Variants in ASPRV1 observed in about 807,000 individuals in gnomAD.
ASPRV1 encodes aspartic peptidase retroviral like 1.
Under a neutral mutation model 11.0 loss-of-function variants are expected in ASPRV1, and 7 were observed. The ratio of observed to expected loss-of-function variants is 0.64; its 90% CI spans 0.36 to 1.20. ASPRV1 has a LOEUF of 1.20. Among genes scored for constraint, ASPRV1 ranks in the 50% most tolerant of loss-of-function variants. The pLI, the probability that ASPRV1 is intolerant of heterozygous loss-of-function variation, is 0.02. For synonymous variants in ASPRV1, 136 were observed against 138.4 expected (o/e 0.98, Z 0.12); for missense variants, 299 against 320.0 (o/e 0.93, Z 0.50).
chr2:70,016,943 TA>T, the ASPRV1 span, among the ~76,000 whole-genome samples: 2 of 152,088 alleles, frequency 1.3e-5, no homozygotes, highest in East Asian at 3.9e-4. Flanking sequence ...TACAAATCAA[TA>T]AATATGATAC....
the ASPRV1 span, among the ~76,000 whole-genome samples, chr2:70,037,806 T>C: frequency 2.6e-5 from 4 of 152,178 alleles, no homozygotes; most frequent in African/African-American, 9.6e-5. Flanking sequence ...AAAAAAAAAA[T>C]TATCTTCTAG....
chr2:70,081,714 G>A, the ASPRV1 span, among the ~76,000 whole-genome samples: 1 of 151,954 alleles, frequency 6.6e-6, no homozygotes, highest in African/African-American at 2.4e-5. Flanking sequence ...CTTGCAAGTA[G>A]CTGGGACTAC....
the ASPRV1 span, among the ~76,000 whole-genome samples, chr2:70,061,150 C>T: frequency 4.7e-3 from 709 of 152,072 alleles, 3 homozygotes; most frequent in Non-Finnish European, 6.7e-3. Flanking sequence ...AATCCCAGCA[C>T]TTTGGGAGGC....
chr2:70,079,304 C>G, the ASPRV1 span, among the ~76,000 whole-genome samples: 1 of 150,760 alleles, frequency 6.6e-6, no homozygotes, highest in Non-Finnish European at 1.5e-5. Flanking sequence ...GAGACCCTGT[C>G]TCTACAAAAA....
the ASPRV1 span, among the ~76,000 whole-genome samples, chr2:70,086,701 C>T: frequency 2.6e-5 from 4 of 152,334 alleles, no homozygotes; most frequent in South Asian, 2.1e-4. Flanking sequence ...GCGGTGGAAA[C>T]GACACAAGGG....
chr2:69,980,796 A>G, the ASPRV1 span, among the ~76,000 whole-genome samples: 110 of 152,296 alleles, frequency 7.2e-4, no homozygotes, highest in African/African-American at 2.4e-3. Flanking sequence ...TTATTTTGAG[A>G]CAGAGTTTCG....
At chr2:70,005,921 G>T in the ASPRV1 span, among the ~76,000 whole-genome samples, 1 of 152,198 alleles carries the variant, frequency 6.6e-6, no homozygotes, top group Non-Finnish European at 1.5e-5. Flanking sequence ...CAGGAGCCAT[G>T]GGGGAGAGCC....
At chr2:69,999,724 T>C in the ASPRV1 span, among the ~76,000 whole-genome samples, 6 of 148,802 alleles carry the variant, frequency 4.0e-5, no homozygotes, top group Non-Finnish European at 8.9e-5. Flanking sequence ...CAGTGACTTA[T>C]CTGGCCAGGA....
the ASPRV1 span, among the ~76,000 whole-genome samples, chr2:70,022,192 T>C: frequency 6.6e-6 from 1 of 151,582 alleles, no homozygotes; most frequent in African/African-American, 2.4e-5. Context: ...TTTTTTTGTA[T>C]TTTTAGTAGA....
chr2:70,045,599 T>C, the ASPRV1 span: 1 of 152,152 alleles, frequency 6.6e-6, no homozygotes, highest in East Asian at 1.9e-4. Flanking sequence ...TGAAACGAAT[T>C]CAAGTAAAAC....
At chr2:70,022,815 T>G in the ASPRV1 span, among the ~76,000 whole-genome samples, 1 of 151,932 alleles carries the variant, frequency 6.6e-6, no homozygotes, top group Admixed American at 6.6e-5. Context: ...TCAAGACACA[T>G]AAACTAAATG....
the ASPRV1 span, chr2:70,049,385 A>T: frequency 1.3e-5 from 2 of 152,072 alleles, no homozygotes; most frequent in African/African-American, 4.8e-5. Context: ...TCTGGCAGGT[A>T]GCTGCTGCCA....
the ASPRV1 span, chr2:70,048,770 C>T: frequency 1.3e-5 from 2 of 152,346 alleles, no homozygotes; most frequent in African/African-American, 4.8e-5. Context: ...GCCATGCTCC[C>T]TCTGAAGGCT....
the ASPRV1 span, among the ~76,000 whole-genome samples, chr2:69,992,372 C>G: frequency 6.6e-6 from 1 of 152,196 alleles, no homozygotes; most frequent in African/African-American, 2.4e-5. Context: ...TTCTAGACTT[C>G]GGTCCTTCTG....
At chr2:70,028,426 CCTAGGAAATAGGGTGCT>C in the ASPRV1 span, 1 of 152,154 alleles carries the variant, frequency 6.6e-6, no homozygotes, top group African/African-American at 2.4e-5. Context: ...CCACCTGAGA[CCTAGGAAATAGGGTGCT>C]CTCTGCATGG....
chr2:70,041,469 T>C, the ASPRV1 span, among the ~76,000 whole-genome samples: 5 of 151,974 alleles, frequency 3.3e-5, no homozygotes, highest in East Asian at 1.9e-4. Flanking sequence ...CATTCAAGGA[T>C]TGAAAAAAAA....
At chr2:70,047,925 A>G in the ASPRV1 span, among the ~76,000 whole-genome samples, 1 of 152,066 alleles carries the variant, frequency 6.6e-6, no homozygotes, top group South Asian at 2.1e-4. Flanking sequence ...CCTGGCCAAC[A>G]TGGTGAAATG....
At chr2:70,026,466 C>T in the ASPRV1 span, among the ~76,000 whole-genome samples, 1 of 149,978 alleles carries the variant, frequency 6.7e-6, no homozygotes, top group Non-Finnish European at 1.5e-5. Context: ...AAAGACTCCA[C>T]CAAAAAACTG....
the ASPRV1 span, among the ~76,000 whole-genome samples, chr2:70,033,290 C>CACATACAT: frequency 2.0e-5 from 3 of 149,664 alleles, no homozygotes; most frequent in African/African-American, 7.6e-5. Flanking sequence ...CACACACACA[C>CACATACAT]ACACACACAC....
Sources: allele counts gnomAD v4.1 joint callset (sites outside exome capture counted in the v4.1 genomes callset), GRCh38; gene constraint gnomAD v4.1.1; transcripts MANE v1.5; gene names NCBI Gene and HGNC (gene_info 2026-07-23, HGNC 2026-07-21).